The following STX8 variants were observed in gnomAD, a reference collection of about 807,000 sequenced individuals.
STX8 encodes syntaxin-8.
STX8 carries 23 observed loss-of-function variants against 37.5 expected under a neutral mutation model. That is an observed-to-expected ratio of 0.61 (90% CI 0.44 to 0.87). The LOEUF is 0.87. Among genes scored for constraint, STX8 ranks in the 40% least tolerant of loss-of-function variants. The pLI is 0.00. For missense variants in STX8, 313 were observed against 284.7 expected (o/e 1.10, Z -0.71); for synonymous variants, 115 against 99.1 (o/e 1.16, Z -0.95).
intron 6 of STX8, among the ~76,000 whole-genome samples, chr17:9,388,526 G>A (rs553382324): frequency 4.0e-5 from 6 of 150,932 alleles, no homozygotes; most frequent in Non-Finnish European, 8.9e-5. Flanking sequence ...ACATTTTTTC[G>A]GGCGTGGTGG....
intron 7 of STX8, among the ~76,000 whole-genome samples, chr17:9,375,908 G>C (rs373232371): frequency 1.3e-5 from 2 of 152,244 alleles, no homozygotes; most frequent in South Asian, 4.1e-4. Flanking sequence ...CGTGAAGCTC[G>C]GGTGTGAGGC....
At chr17:9,524,813 G>T (rs1290225491) in intron 4 of STX8, among the ~76,000 whole-genome samples, 2 of 145,234 alleles carry the variant, frequency 1.4e-5, no homozygotes, top group African/African-American at 2.5e-5. Flanking sequence ...GTCTCACTCT[G>T]TTTTTTTTTT....
intron 7 of STX8, among the ~76,000 whole-genome samples, chr17:9,260,759 G>A (rs941930307): frequency 3.3e-5 from 5 of 152,300 alleles, no homozygotes; most frequent in Admixed American, 6.5e-5. Context: ...AGAGGCACCT[G>A]GCACCCTCCT....
chr17:9,462,593 G>C (rs1030691560), intron 6 of STX8, among the ~76,000 whole-genome samples: 1 of 152,070 alleles, frequency 6.6e-6, no homozygotes, highest in Non-Finnish European at 1.5e-5. Context: ...CGTGGTGGCA[G>C]GTGCCTGTAA....
rs1904824267 is a variant in STX8 at position 9,506,390 on chromosome 17, AGCTGGTGCT to A, written c.324-1237_324-1229del. On this transcript the variant is annotated intron_variant, in intron 4 of 7. Coordinates refer to ENST00000306357, the MANE Select transcript of STX8 (RefSeq NM_004853.3). The stretch of plus-strand genomic sequence containing the variant: ...ATCAGCAAGATGACTGATTAGAGTC[AGCTGGTGCT>A]CACCCGCTCCCCCCCCCCCCCACCC... 2.2e-5 allele frequency among the ~76,000 whole-genome samples: 3 copies of A among 134,002 alleles called. No homozygotes were observed. The South Asian group carries it at 7.4e-4, about 33-fold the overall frequency. 87.9% of individuals were successfully genotyped at this position (134,002 alleles called of 152,430 possible).
intron 6 of STX8, among the ~76,000 whole-genome samples, chr17:9,461,799 A>T (rs1394477583): frequency 6.6e-6 from 1 of 151,952 alleles, no homozygotes; most frequent in Admixed American, 6.6e-5. Flanking sequence ...CATCATGTAG[A>T]CTCAGTGGGA....
chr17:9,478,205 G>A (rs1316684372), intron 6 of STX8, among the ~76,000 whole-genome samples: 1 of 152,082 alleles, frequency 6.6e-6, no homozygotes, highest in African/African-American at 2.4e-5. Flanking sequence ...GTGCAATCTC[G>A]CCTCACTACA....
intron 2 of STX8, among the ~76,000 whole-genome samples, chr17:9,562,155 G>T (rs1275561103): frequency 6.6e-6 from 1 of 151,360 alleles, no homozygotes; most frequent in Non-Finnish European, 1.5e-5. Flanking sequence ...TGTAATCCCA[G>T]CACTTTGGGA....
At chr17:9,445,486 C>T (rs902071115) in intron 6 of STX8, among the ~76,000 whole-genome samples, 3 of 5,516 alleles carry the variant, frequency 5.4e-4, no homozygotes, top group African/African-American at 2.1e-3. Flanking sequence ...AGAGTGGTGG[C>T]CGGGGAGGGG....
At chr17:9,420,743 C>T (rs572789639) in intron 6 of STX8, among the ~76,000 whole-genome samples, 1 of 152,296 alleles carries the variant, frequency 6.6e-6, no homozygotes, top group East Asian at 1.9e-4. Flanking sequence ...GACAGTGTTC[C>T]TGCCGAGGTC....
At chr17:9,339,810 A>G (rs1910277175) in intron 7 of STX8, among the ~76,000 whole-genome samples, 1 of 152,206 alleles carries the variant, frequency 6.6e-6, no homozygotes. Flanking sequence ...TTCCCACAGA[A>G]TTGGCGTAAG....
chr17:9,293,571 G>C (rs563653156), intron 7 of STX8, among the ~76,000 whole-genome samples: 1 of 152,180 alleles, frequency 6.6e-6, no homozygotes, highest in South Asian at 2.1e-4. Context: ...ATGACAGTGA[G>C]ATAGGAGGTG....
chr17:9,276,077 A>G (rs1055775498), intron 7 of STX8, among the ~76,000 whole-genome samples: 5 of 138,372 alleles, frequency 3.6e-5, no homozygotes, highest in African/African-American at 1.3e-4. Context: ...GTGTGAGTCA[A>G]GGTGGCTGCG....
chr17:9,400,163 C>T lies in STX8; in HGVS notation c.542-21510G>A, dbSNP rs571481507. On this transcript the variant is annotated intron_variant, in intron 6 of 7. Transcript: ENST00000306357. ...TGTCGCCCAGGCTGGAGTGCAGTGGCGCGATCTTGGCTAACTGCAAGCTCC... is the reference window on the plus strand; with the variant it reads ...TGTCGCCCAGGCTGGAGTGCAGTGGTGCGATCTTGGCTAACTGCAAGCTCC... Among the ~76,000 whole-genome samples the T allele has an allele frequency of 6.1e-3, 896 of 147,066 alleles. 8 individuals carry two copies. Among genetic ancestry groups the T allele is most frequent in the Non-Finnish European group, 9.2e-3 (615 of 67,082 alleles).
chr17:9,392,296 G>A (rs941920171), intron 6 of STX8, among the ~76,000 whole-genome samples: 4 of 152,154 alleles, frequency 2.6e-5, no homozygotes, highest in African/African-American at 9.7e-5. Flanking sequence ...TTGCTAAGAA[G>A]CATAGTTGTT....
intron 1 of STX8, among the ~76,000 whole-genome samples, chr17:9,571,271 T>TA (rs200522097): frequency 6.6e-6 from 1 of 151,984 alleles, no homozygotes; most frequent in Admixed American, 6.6e-5. Flanking sequence ...GGGGAATCTT[T>TA]AAAAAAATAA....
intron 1 of STX8, among the ~76,000 whole-genome samples, chr17:9,575,228 A>T (rs371979717): frequency 1.3e-5 from 2 of 152,220 alleles, no homozygotes; most frequent in Admixed American, 6.5e-5. Context: ...ACTTCATGAT[A>T]TTAACTCAAG....
intron 7 of STX8, among the ~76,000 whole-genome samples, chr17:9,300,380 C>T (rs1395941844): frequency 1.3e-5 from 2 of 150,634 alleles, no homozygotes; most frequent in African/African-American, 4.9e-5. Flanking sequence ...AAAGAAAATT[C>T]CCCAATTATT....
chr17:9,427,498 G>A (rs1177750687), intron 6 of STX8, among the ~76,000 whole-genome samples: 1 of 152,086 alleles, frequency 6.6e-6, no homozygotes, highest in Non-Finnish European at 1.5e-5. Flanking sequence ...GAAAAATAAC[G>A]GGATGAAAAA....
Sources: gnomAD v4.1 joint callset for allele counts (sites outside exome capture counted in the v4.1 genomes callset) on GRCh38, gnomAD v4.1.1 for gene constraint, MANE v1.5 for transcripts, NCBI Gene and HGNC (gene_info 2026-07-23, HGNC 2026-07-21) for gene names.